The following GLIS3 variants were observed in gnomAD, a reference collection of about 807,000 sequenced individuals.
GLIS3 encodes zinc finger protein GLIS3.
Under a neutral mutation model 78.6 loss-of-function variants are expected in GLIS3, and 53 were observed. The observed-to-expected ratio is 0.67, with a 90% CI of 0.54 to 0.85. The LOEUF is 0.85. Among genes scored for constraint, GLIS3 ranks in the 40% least tolerant of loss-of-function variants. GLIS3 has a pLI of 0.00. For synonymous variants in GLIS3, 684 were observed against 509.9 expected, an observed-to-expected ratio of 1.34 and a Z score of -4.60; for missense variants, 1,703 against 1,231.1, an observed-to-expected ratio of 1.38 and a Z score of -5.74.
At chr9:4,235,094 C>T (rs571108900) in intron 2 of GLIS3, among the ~76,000 whole-genome samples, 6 of 152,110 alleles carry the variant, frequency 3.9e-5, no homozygotes, top group Admixed American at 1.3e-4. Context: ...GCCAGGAGAT[C>T]GAGACCATCC....
At chr9:4,275,809 A>G (rs896293126) in intron 2 of GLIS3, among the ~76,000 whole-genome samples, 1 of 152,150 alleles carries the variant, frequency 6.6e-6, no homozygotes, top group Non-Finnish European at 1.5e-5. Flanking sequence ...AATATTTTTA[A>G]AAAGAATGAG....
chr9:4,129,566 C>T (rs749359808), intron 2 of GLIS3, among the ~76,000 whole-genome samples: 33 of 152,186 alleles, frequency 2.2e-4, no homozygotes, highest in Non-Finnish European at 4.4e-4. Context: ...CTTCCTCCTG[C>T]TCCAGCCATG....
In GLIS3 at chr9:4,118,013, C is replaced by T. The variant is rs1048770127; in HGVS notation, c.1465G>A (p.Asp489Asn). 1 of 1,605,910 alleles carries T rather than the reference C, an allele frequency of 6.2e-7. No homozygotes were observed. Among genetic ancestry groups the T allele is most frequent in the Non-Finnish European group, 8.5e-7 (1 of 1,176,450 alleles). ...QLALPQATLD[D>N]DGEMDGIGGK... The stretch of plus-strand genomic sequence containing the variant: ...CCGATGCCGTCCATCTCCCCGTCGT[C>T]GTCCAGGGTGGCCTGGGGCAAGGCC... Residue 489 changes from aspartate to asparagine, a missense_variant, in exon 4 of 11, where the codon GAC becomes AAC. Coordinates refer to ENST00000381971, the MANE Select transcript of GLIS3 (RefSeq NM_001042413.2). This position sits in a 1 kb window ranked among gnomAD's most constrained non-coding sequence, Gnocchi z 4.7.
intron 4 of GLIS3, among the ~76,000 whole-genome samples, chr9:3,991,981 TG>T (rs1820348282): frequency 6.6e-6 from 1 of 152,140 alleles, no homozygotes; most frequent in Non-Finnish European, 1.5e-5. Flanking sequence ...TGAGCCACCC[TG>T]CCCGGCCAGT....
chr9:4,073,395 C>A (rs2130649191), intron 4 of GLIS3, among the ~76,000 whole-genome samples: 1 of 152,230 alleles, frequency 6.6e-6, no homozygotes, highest in African/African-American at 2.4e-5. Context: ...TGGATGGAGC[C>A]TAGAATTTTG....
chr9:4,307,754 G>A (rs905837683), intron 4 of GLIS3, among the ~76,000 whole-genome samples: 32 of 152,142 alleles, frequency 2.1e-4, no homozygotes, highest in African/African-American at 7.2e-4. Context: ...CAGGTTTGAA[G>A]GTGCAGGAAG....
At chr9:3,965,188 C>CTT (rs750454441) in intron 4 of GLIS3, among the ~76,000 whole-genome samples, 1,148 of 98,564 alleles carry the variant, frequency 0.012, 76 homozygotes, top group Admixed American at 0.016. Context: ...TCTTTCTTTT[C>CTT]TTTTCTTTTT....
chr9:4,206,641 C>T (rs1203184777), intron 2 of GLIS3, among the ~76,000 whole-genome samples: 3 of 152,202 alleles, frequency 2.0e-5, no homozygotes, highest in Non-Finnish European at 4.4e-5. Flanking sequence ...GAACTCTAGG[C>T]CTCACACCTT....
chr9:4,235,573 C>G (rs1285694308), intron 2 of GLIS3, among the ~76,000 whole-genome samples: 1 of 152,166 alleles, frequency 6.6e-6, no homozygotes, highest in Non-Finnish European at 1.5e-5. Flanking sequence ...CTCCTACCGG[C>G]TCTAGACTAG....
At chr9:4,438,275 T>G in the GLIS3 span, among the ~76,000 whole-genome samples, 1 of 152,208 alleles carries the variant, frequency 6.6e-6, no homozygotes, top group African/African-American at 2.4e-5. Flanking sequence ...TGAATCTTAA[T>G]GTTTTGTGAT....
chr9:4,378,685 T>G, the GLIS3 span, among the ~76,000 whole-genome samples: 2 of 152,198 alleles, frequency 1.3e-5, no homozygotes, highest in Admixed American at 1.3e-4. Flanking sequence ...ATGGACTATG[T>G]AGAGAAGGAA....
At chr9:4,319,979 G>A (rs1440350509) in intron 2 of GLIS3, among the ~76,000 whole-genome samples, 1 of 141,094 alleles carries the variant, frequency 7.1e-6, no homozygotes, top group Non-Finnish European at 1.5e-5. Flanking sequence ...GTTAGTAGAG[G>A]GGGTTGTGTG....
At chr9:3,969,331 T>A (rs1563903904) in intron 4 of GLIS3, among the ~76,000 whole-genome samples, 1 of 152,186 alleles carries the variant, frequency 6.6e-6, no homozygotes, top group East Asian at 1.9e-4. Context: ...AATGCAGAAG[T>A]TCAAAAGCGA....
chr9:4,447,653 G>A, the GLIS3 span, among the ~76,000 whole-genome samples: 1 of 152,176 alleles, frequency 6.6e-6, no homozygotes, highest in African/African-American at 2.4e-5. Context: ...CTTCTAGACT[G>A]ACCTTTGCCT....
At chr9:4,273,353 G>A (rs188163767) in intron 2 of GLIS3, among the ~76,000 whole-genome samples, 56 of 152,180 alleles carry the variant, frequency 3.7e-4, no homozygotes, top group Admixed American at 2.2e-3. Context: ...CCAGCATTTC[G>A]GAAGGCTGAG....
intron 4 of GLIS3, among the ~76,000 whole-genome samples, chr9:4,009,283 C>A (rs1243045369): frequency 6.6e-6 from 1 of 152,184 alleles, no homozygotes; most frequent in Non-Finnish European, 1.5e-5. Flanking sequence ...CTCAGCTGTG[C>A]TGCAGACACA....
chr9:3,993,005 C>T (rs1027655057), intron 4 of GLIS3, among the ~76,000 whole-genome samples: 2 of 152,194 alleles, frequency 1.3e-5, no homozygotes, highest in African/African-American at 4.8e-5. Context: ...GTAAGGCCGG[C>T]TGCCAGGGTA....
At chr9:4,399,973 G>C in the GLIS3 span, among the ~76,000 whole-genome samples, 2 of 152,196 alleles carry the variant, frequency 1.3e-5, no homozygotes, top group Non-Finnish European at 2.9e-5. Context: ...TAGGAGGTGG[G>C]AGTGGGAGTG....
At chr9:4,468,392 T>C in the GLIS3 span, among the ~76,000 whole-genome samples, 1 of 152,198 alleles carries the variant, frequency 6.6e-6, no homozygotes, top group Admixed American at 6.5e-5. Flanking sequence ...AGAGTAAGGT[T>C]GGGTTACCCA....
Sources: allele counts gnomAD v4.1 joint callset (sites outside exome capture counted in the v4.1 genomes callset), GRCh38; gene constraint gnomAD v4.1.1; non-coding constraint Gnocchi (gnomAD v3.1); transcripts MANE v1.5; gene names NCBI Gene and HGNC (gene_info 2026-07-23, HGNC 2026-07-21).